Variants in C8orf74 observed in about 807,000 individuals in gnomAD.
C8orf74 encodes the protein chromosome 8 open reading frame 74.
C8orf74 carries 29 observed loss-of-function variants against 22.2 expected under a neutral mutation model. The ratio of observed to expected loss-of-function variants is 1.31; its 90% CI spans 0.97 to 1.78. C8orf74 has a LOEUF of 1.78. C8orf74 is among the 40% of genes most tolerant of loss of function. The probability of loss-of-function intolerance (pLI) is 0.00; values close to 1 mark genes in which losing one functional copy is unlikely to be tolerated. For synonymous variants in C8orf74, 255 were observed against 163.1 expected (o/e 1.56, Z -4.30); for missense variants, 515 against 369.9 (o/e 1.39, Z -3.22).
rs117295315 is a variant in C8orf74, at chr8:10,700,207, G to A, written c.649-28G>A. Reference sequence around the variant, plus strand: ...GGATCCGGCGAGGCTCCCCAGCCCTGCTCATCGGCCTTCCCCTTTCCTTCC... The same window carrying A: ...GGATCCGGCGAGGCTCCCCAGCCCTACTCATCGGCCTTCCCCTTTCCTTCC... On this transcript the variant is annotated intron_variant, in intron 3 of 3. Coordinates refer to ENST00000304519, the MANE Select transcript of C8orf74 (RefSeq NM_001040032.2). 843 of 1,497,396 alleles carry A rather than the reference G, an allele frequency of 5.6e-4. 6 individuals are homozygous for A. The East Asian group carries it at 0.016, about 28-fold the overall frequency. 92.8% of individuals were successfully genotyped at this position (1,497,396 alleles called of 1,614,324 possible).
intron 2 of C8orf74, among the ~76,000 whole-genome samples, chr8:10,684,823 T>G (rs1799226947): frequency 2.6e-5 from 4 of 152,264 alleles, no homozygotes; most frequent in Admixed American, 1.3e-4. Flanking sequence ...CTGTTTGGCA[T>G]ATCCGAATTG....
chr8:10,681,547 G>A (rs1328099379), intron 2 of C8orf74, among the ~76,000 whole-genome samples: 2 of 152,154 alleles, frequency 1.3e-5, no homozygotes, highest in East Asian at 3.9e-4. Context: ...GGCAGGGAAG[G>A]TGGGGACAGC....
At chr8:10,685,078 T>C (rs548462730) in intron 2 of C8orf74, among the ~76,000 whole-genome samples, 2 of 152,366 alleles carry the variant, frequency 1.3e-5, no homozygotes, top group South Asian at 2.1e-4. Flanking sequence ...CTAAAACTTA[T>C]GAACTATTTA....
intron 2 of C8orf74, among the ~76,000 whole-genome samples, chr8:10,685,136 G>A (rs1268690552): frequency 6.6e-6 from 1 of 152,184 alleles, no homozygotes; most frequent in Non-Finnish European, 1.5e-5. Flanking sequence ...TTGACCACAG[G>A]TTACTAAAAC....
intron 2 of C8orf74, among the ~76,000 whole-genome samples, chr8:10,677,579 C>T (rs899510173): frequency 2.6e-5 from 4 of 152,264 alleles, no homozygotes; most frequent in Admixed American, 2.6e-4. Context: ...CACACCACCT[C>T]TTTTTTTATT....
intron 2 of C8orf74, among the ~76,000 whole-genome samples, chr8:10,689,935 T>C (rs985414856): frequency 2.0e-5 from 3 of 152,066 alleles, no homozygotes; most frequent in African/African-American, 7.2e-5. Context: ...TATGTGTAAG[T>C]GGACCCGCAG....
At chr8:10,691,184 TCCC>T in intron 2 of C8orf74, 1 of 343,532 alleles carries the variant, frequency 2.9e-6, no homozygotes, top group Non-Finnish European at 5.8e-6. Flanking sequence ...AGGGACTCCT[TCCC>T]TGTTGACCCA....
chr8:10,686,027 C>T (rs555694717), intron 2 of C8orf74, among the ~76,000 whole-genome samples: 88 of 152,296 alleles, frequency 5.8e-4, no homozygotes, highest in Non-Finnish European at 8.8e-4. Flanking sequence ...CGAGATTGCA[C>T]CACTGCACTC....
intron 2 of C8orf74, among the ~76,000 whole-genome samples, chr8:10,683,579 C>T (rs572781574): frequency 6.6e-6 from 1 of 152,274 alleles, no homozygotes; most frequent in African/African-American, 2.4e-5. Context: ...GACCAGGACC[C>T]CAAGTCAGGG....
chr8:10,681,836 G>T (rs931203332), intron 2 of C8orf74, among the ~76,000 whole-genome samples: 1 of 152,256 alleles, frequency 6.6e-6, no homozygotes, highest in Non-Finnish European at 1.5e-5. Flanking sequence ...GGGCAGCCGG[G>T]TGAGTGCCTG....
At chr8:10,696,302 C>G (rs1225229035) in intron 2 of C8orf74, among the ~76,000 whole-genome samples, 2 of 152,040 alleles carry the variant, frequency 1.3e-5, no homozygotes, top group East Asian at 3.9e-4. Context: ...TTGGTGCTGC[C>G]CTCAGAGCCA....
intron 2 of C8orf74, among the ~76,000 whole-genome samples, chr8:10,676,773 C>G (rs576900700): frequency 6.6e-6 from 1 of 152,276 alleles, no homozygotes; most frequent in Non-Finnish European, 1.5e-5. Context: ...CCTGCCTCCC[C>G]ACTGCTCACA....
In C8orf74 at chr8:10,697,819, C is replaced by G; in HGVS notation, c.462C>G (p.Ala154=). Residue 154 remains alanine, a synonymous_variant, in exon 3 of 4, where the codon GCC becomes GCG. Coordinates refer to ENST00000304519, the MANE Select transcript of C8orf74 (RefSeq NM_001040032.2). ...TGCCACCCCATCCCCTCCCGCTGGC[C>G]GAGGGCATGGACAGGGACTTGTGGA... The part of the protein sequence containing the change: ...VCMPPHPLPL[A]EGMDRDLWIH... The G allele has an allele frequency of 6.2e-7, 1 of 1,613,956 alleles. No individual in the cohort carries two copies.
At chr8:10,693,998 G>C (rs571190007) in intron 2 of C8orf74, among the ~76,000 whole-genome samples, 1 of 152,320 alleles carries the variant, frequency 6.6e-6, no homozygotes, top group South Asian at 2.1e-4. Context: ...GCTGCTGCCT[G>C]CTCCTCTGCT....
At chr8:10,688,867 C>T (rs1799316631) in intron 2 of C8orf74, 1 of 152,226 alleles carries the variant, frequency 6.6e-6, no homozygotes, top group South Asian at 2.1e-4. Flanking sequence ...GATCAACAGA[C>T]CACGGACCCC....
chr8:10,679,636 C>G (rs895150319), intron 2 of C8orf74, among the ~76,000 whole-genome samples: 1 of 152,324 alleles, frequency 6.6e-6, no homozygotes, highest in Admixed American at 6.5e-5. Flanking sequence ...TGATCTTGGC[C>G]CCTCCGCGTT....
chr8:10,696,345 A>T (rs898001109), intron 2 of C8orf74, among the ~76,000 whole-genome samples: 1 of 150,730 alleles, frequency 6.6e-6, no homozygotes, highest in Non-Finnish European at 1.5e-5. Flanking sequence ...TATTTTCCCA[A>T]CTCTGCAACA....
At chr8:10,682,048 C>T (rs1799162250) in intron 2 of C8orf74, among the ~76,000 whole-genome samples, 2 of 152,198 alleles carry the variant, frequency 1.3e-5, no homozygotes, top group African/African-American at 4.8e-5. Flanking sequence ...ACGGTCTGCC[C>T]GGCAGCCCTG....
At chr8:10,700,038 C>T (rs556286204) in intron 3 of C8orf74, among the ~76,000 whole-genome samples, 197 bp from the exon 4 acceptor site, 181 of 152,316 alleles carry the variant, frequency 1.2e-3, no homozygotes, top group African/African-American at 4.2e-3. Flanking sequence ...AGATGAGGAC[C>T]TCCCCACCCT....
Sources: gnomAD v4.1 joint callset for allele counts (sites outside exome capture counted in the v4.1 genomes callset) on GRCh38, gnomAD v4.1.1 for gene constraint, MANE v1.5 for transcripts, NCBI Gene and HGNC (gene_info 2026-07-23, HGNC 2026-07-21) for gene names.